The following CMPK1 variants were observed in gnomAD, a reference collection of about 807,000 sequenced individuals.
The protein encoded by CMPK1 is UMP-CMP kinase.
In CMPK1, 10 loss-of-function variants were observed where a neutral mutation model predicts 25.7. The observed-to-expected ratio is 0.39, with a 90% confidence interval of 0.24 to 0.66. The LOEUF (loss-of-function observed/expected upper bound fraction) is 0.66, where lower values mean the gene tolerates loss of function less well. Ranked by LOEUF, CMPK1 falls within the 30% of genes least tolerant of loss-of-function variation. The pLI is 0.48. For synonymous variants in CMPK1, 106 were observed against 101.5 expected, an observed-to-expected ratio of 1.04 and a Z score of -0.27; for missense variants, 199 against 280.5, an observed-to-expected ratio of 0.71 and a Z score of 2.08.
intron 1 of CMPK1, among the ~76,000 whole-genome samples, chr1:47,347,918 A>T (rs1012206021): frequency 6.6e-6 from 1 of 152,230 alleles, no homozygotes; most frequent in African/African-American, 2.4e-5. Context: ...GGTGTGAGCC[A>T]TCGTGCCCGG....
At chr1:47,355,150 A>G (rs1455208646) in intron 1 of CMPK1, among the ~76,000 whole-genome samples, 1 of 151,888 alleles carries the variant, frequency 6.6e-6, no homozygotes, top group Admixed American at 6.6e-5. Context: ...GGGTTCAAGC[A>G]ATTCTCCCGC....
chr1:47,340,656 T>G (rs1646434981), intron 1 of CMPK1, among the ~76,000 whole-genome samples: 1 of 152,202 alleles, frequency 6.6e-6, no homozygotes, highest in Middle Eastern at 3.4e-3. Context: ...ATTTTTTTTT[T>G]TTCGAGGCAG....
chr1:47,354,503 A>G (rs1348184212), intron 1 of CMPK1, among the ~76,000 whole-genome samples: 1 of 151,670 alleles, frequency 6.6e-6, no homozygotes, highest in Non-Finnish European at 1.5e-5. Flanking sequence ...ATCACTTGTC[A>G]GGTTTTTGCG....
At chr1:47,335,916 C>A (rs1646395316) in intron 1 of CMPK1, among the ~76,000 whole-genome samples, 1 of 151,972 alleles carries the variant, frequency 6.6e-6, no homozygotes, top group Non-Finnish European at 1.5e-5. Context: ...GCGTGCGCCA[C>A]CACGCCTGGC....
chr1:47,350,724 C>G (rs953602160), intron 1 of CMPK1, among the ~76,000 whole-genome samples: 2 of 151,884 alleles, frequency 1.3e-5, no homozygotes, highest in Non-Finnish European at 2.9e-5. Flanking sequence ...GAAACACCGT[C>G]TCTACTAAAA....
chr1:47,357,482 C>CT (rs5773945), intron 1 of CMPK1, among the ~76,000 whole-genome samples: 101,646 of 145,040 alleles, frequency 0.7, 36,019 homozygotes, highest in East Asian at 0.97. Flanking sequence ...TTAATGGATT[C>CT]TTTTTTTTTT....
chr1:47,343,676 A>T (rs115838670), intron 1 of CMPK1, among the ~76,000 whole-genome samples: 1,583 of 152,164 alleles, frequency 0.01, 36 homozygotes, highest in African/African-American at 0.037. Context: ...CACTTTGGGA[A>T]GCCAGGGTGC....
At position 47,349,256 on chromosome 1, in the gene CMPK1, A is replaced by T. The variant is rs144335651; in HGVS notation, c.171+15140A>T. ...CTTGAAGACGAAAGACTGCATCTCC[A>T]TATGGGTCACCTAGGAATTACCTCA... On this transcript the variant is annotated intron_variant, in intron 1 of 5. Transcript: ENST00000371873. Among the ~76,000 whole-genome samples the T allele has an allele frequency of 1.2e-3, 184 of 152,326 alleles. 1 individual carries two copies. Among genetic ancestry groups the T allele is most frequent in the Middle Eastern group, 6.8e-3 (2 of 294 alleles).
At chr1:47,350,918 AG>A (rs1646518486) in intron 1 of CMPK1, among the ~76,000 whole-genome samples, 1 of 151,636 alleles carries the variant, frequency 6.6e-6, no homozygotes, top group Non-Finnish European at 1.5e-5. Flanking sequence ...AAAAAAAAAA[AG>A]AAAAGAAAAA....
intron 1 of CMPK1, among the ~76,000 whole-genome samples, chr1:47,340,045 C>CCCCTTCCCTT (rs1438055684): frequency 3.4e-5 from 1 of 29,200 alleles, no homozygotes; most frequent in African/African-American, 5.0e-4. Context: ...TCCCTCCCCT[C>CCCCTTCCCTT]CCCTCCCCTC....
intron 1 of CMPK1, among the ~76,000 whole-genome samples, chr1:47,335,310 C>T (rs139324522): frequency 6.0e-4 from 92 of 152,242 alleles, no homozygotes; most frequent in Non-Finnish European, 1.1e-3. Flanking sequence ...ATGAGTTCAA[C>T]AAGTCATTAT....
intron 1 of CMPK1, among the ~76,000 whole-genome samples, chr1:47,360,287 G>A (rs371059969): frequency 6.6e-6 from 1 of 152,070 alleles, no homozygotes; most frequent in East Asian, 1.9e-4. Context: ...TGAATTAAAA[G>A]AAATAAAAAT....
rs1046555192 is a variant in CMPK1 at position 47,342,092 on chromosome 1, A to AT, written c.171+7983dup. Among the ~76,000 whole-genome samples, 9 of 146,724 alleles carry AT rather than the reference A, an allele frequency of 6.1e-5. No homozygotes were observed. In the South Asian group the frequency reaches 1.5e-3, roughly 25 times the overall value. On this transcript the variant is annotated intron_variant, in intron 1 of 5. Coordinates refer to ENST00000371873, the MANE Select transcript of CMPK1 (RefSeq NM_016308.3). ...GGCCTGGCTAATTATTTTTTATTTT[A>AT]TTTTTTTGAGATGGAGTCTTGCTCT... is the stretch of plus-strand genomic sequence containing the variant.
chr1:47,364,641 A>G (rs1646626643), intron 1 of CMPK1, among the ~76,000 whole-genome samples: 1 of 148,156 alleles, frequency 6.7e-6, no homozygotes, highest in Admixed American at 6.8e-5. Context: ...TTAATATATA[A>G]TAATATAAAT....
chr1:47,376,704 G>A lies in CMPK1; in HGVS notation c.646G>A (p.Val216Ile), dbSNP rs780447502. The A allele has an allele frequency of 6.4e-7, 1 of 1,570,970 alleles. No individual in the cohort carries two copies. The highest frequency in any genetic ancestry group is 2.3e-5 in the East Asian group (1 of 44,258). Residue 216 changes from valine to isoleucine, a missense_variant and splice_region_variant, in exon 6 of 6, where the codon GTT becomes ATT. Physicochemically the swap from Val to Ile is conservative, Grantham distance 29. Around this residue, in one of 2 missense-constraint regions of CMPK1, gnomAD observed 140 missense variants for 235.5 expected, o/e 0.59. Coordinates refer to ENST00000371873, the MANE Select transcript of CMPK1 (RefSeq NM_016308.3). The stretch of plus-strand genomic sequence containing the variant: ...TTATTATCATCTTTTTCCTTTACAG[G>A]TTTTTGATGAAGTTGTGCAGATTTT... ...KIDASKSVDE[V>I]FDEVVQIFDK...
chr1:47,350,982 A>C (rs1042884805), intron 1 of CMPK1, among the ~76,000 whole-genome samples: 2 of 151,978 alleles, frequency 1.3e-5, no homozygotes, highest in Non-Finnish European at 2.9e-5. Flanking sequence ...GTTCTAATCT[A>C]CTGTCTCTAC....
At chr1:47,344,408 G>A (rs982865729) in intron 1 of CMPK1, among the ~76,000 whole-genome samples, 6 of 152,092 alleles carry the variant, frequency 3.9e-5, no homozygotes, top group African/African-American at 1.2e-4. Context: ...ACCGACATAC[G>A]TGAGGCTGAC....
chr1:47,372,919 A>G (rs201129706), intron 2 of CMPK1, 36 bp from the exon 3 acceptor site: 3 of 1,563,382 alleles, frequency 1.9e-6, no homozygotes, highest in Non-Finnish European at 2.6e-6. Context: ...CATTTTGTTA[A>G]TGTTGTATTG....
intron 1 of CMPK1, among the ~76,000 whole-genome samples, chr1:47,360,599 T>G (rs1158300560): frequency 1.3e-5 from 2 of 152,222 alleles, no homozygotes; most frequent in Non-Finnish European, 2.9e-5. Flanking sequence ...GTTATGCAAA[T>G]ATGGAGAATT....
Sources: gnomAD v4.1 joint callset for allele counts (sites outside exome capture counted in the v4.1 genomes callset) on GRCh38, gnomAD v4.1.1 for gene constraint, gnomAD v4.1.1 regional missense constraint, MANE v1.5 for transcripts, NCBI Gene and HGNC (gene_info 2026-07-23, HGNC 2026-07-21) for gene names.